SGCZ: variants seen among roughly 807,000 people sequenced by gnomAD.
SGCZ encodes the protein zeta-sarcoglycan.
In SGCZ, 40 loss-of-function variants were observed where a neutral mutation model predicts 41.3. The observed-to-expected ratio is 0.97, with a 90% CI of 0.75 to 1.26. The LOEUF (loss-of-function observed/expected upper bound fraction) is 1.26, where lower values mean the gene tolerates loss of function less well. Ranked by LOEUF, SGCZ falls within the 50% of genes most tolerant of loss-of-function variation. The probability of loss-of-function intolerance (pLI) is 0.00; values close to 1 mark genes in which losing one functional copy is unlikely to be tolerated. For synonymous variants in SGCZ, 206 were observed against 137.5 expected, an observed-to-expected ratio of 1.50 and a Z score of -3.49; for missense variants, 552 against 369.8, an observed-to-expected ratio of 1.49 and a Z score of -4.04.
rs1365591062 is a variant in SGCZ, at chr8:15,237,486, C to T, written c.39+99G>A. 3 of 1,421,130 alleles carry T rather than the reference C, an allele frequency of 2.1e-6. No individual in the cohort carries two copies. In the African/African-American group the frequency reaches 4.3e-5, roughly 20 times the overall value. The allele number at this position is 1,421,130 out of a possible 1,614,324, so 88.0% of individuals were successfully genotyped here. A position where few individuals can be genotyped will look rare whatever the true frequency, so the allele number is the denominator to read the frequency against. ...ACGCCCCCTCGTCGTCCCGCGGGAC[C>T]ACCAACTACTCCGCGCCGCTGGAGG... On this transcript the variant is annotated intron_variant, in intron 1 of 7. Transcript: ENST00000382080.
intron 2 of SGCZ, among the ~76,000 whole-genome samples, chr8:14,527,184 A>T (rs1802976890): frequency 6.6e-6 from 1 of 152,218 alleles, no homozygotes; most frequent in South Asian, 2.1e-4. Context: ...ACTAGAAAAG[A>T]AAGTATTAAT....
intron 2 of SGCZ, among the ~76,000 whole-genome samples, chr8:14,393,185 T>G (rs1185784643): frequency 6.6e-6 from 1 of 152,174 alleles, no homozygotes; most frequent in African/African-American, 2.4e-5. Context: ...ATATAAGAGT[T>G]AAGAAGAAAT....
intron 4 of SGCZ, among the ~76,000 whole-genome samples, chr8:14,168,710 C>G (rs1055204229): frequency 6.6e-6 from 1 of 152,102 alleles, no homozygotes; most frequent in Non-Finnish European, 1.5e-5. Flanking sequence ...CGGACTAATA[C>G]GCATTGTGAG....
chr8:14,924,001 A>G lies in SGCZ; in HGVS notation c.39+313584T>C, dbSNP rs561445975. 5.3e-5 allele frequency among the ~76,000 whole-genome samples: 8 copies of G among 152,210 alleles called. No individual in the cohort carries two copies. In the East Asian group the frequency reaches 1.5e-3, roughly 29 times the overall value. ...CTGGAAAATAAGGCTGTCATAAATT[A>G]CTCCCAGGACAGAGACAGAGGGTAA... On this transcript the variant is annotated intron_variant, in intron 1 of 7. Coordinates refer to ENST00000382080, the MANE Select transcript of SGCZ (RefSeq NM_139167.4).
At chr8:14,926,639 G>C (rs534072789) in intron 1 of SGCZ, among the ~76,000 whole-genome samples, 2 of 148,080 alleles carry the variant, frequency 1.4e-5, no homozygotes, top group African/African-American at 5.1e-5. Flanking sequence ...TTTTCCGTGT[G>C]TGTGGTTTTT....
At chr8:14,460,689 C>T (rs1046565622) in intron 2 of SGCZ, among the ~76,000 whole-genome samples, 1 of 152,078 alleles carries the variant, frequency 6.6e-6, no homozygotes, top group African/African-American at 2.4e-5. Context: ...TTTGTCCCTG[C>T]TTTGCCTTGT....
intron 4 of SGCZ, among the ~76,000 whole-genome samples, chr8:14,220,543 G>A (rs1485779837): frequency 2.0e-5 from 3 of 151,840 alleles, no homozygotes; most frequent in African/African-American, 7.3e-5. Context: ...TTTGAGATTT[G>A]TTTACTTTTC....
intron 1 of SGCZ, among the ~76,000 whole-genome samples, chr8:14,791,003 C>T (rs555628997): frequency 1.3e-5 from 2 of 150,612 alleles, no homozygotes; most frequent in African/African-American, 4.9e-5. Flanking sequence ...TGTCCTCAAG[C>T]CTGGGCAACA....
chr8:15,059,857 G>C (rs1321100205), intron 1 of SGCZ, among the ~76,000 whole-genome samples: 1 of 152,078 alleles, frequency 6.6e-6, no homozygotes, highest in Non-Finnish European at 1.5e-5. Context: ...TTCATCCTTT[G>C]TCTCAGTAAC....
intron 1 of SGCZ, among the ~76,000 whole-genome samples, chr8:14,915,481 A>AG (rs1799406035): frequency 6.6e-6 from 1 of 152,164 alleles, no homozygotes; most frequent in Non-Finnish European, 1.5e-5. Flanking sequence ...CTCAGCTTGC[A>AG]CGGGTGAATG....
intron 1 of SGCZ, among the ~76,000 whole-genome samples, chr8:15,077,362 A>G (rs1271654313): frequency 1.3e-5 from 2 of 152,208 alleles, no homozygotes; most frequent in Admixed American, 6.5e-5. Context: ...TATTGCAGTA[A>G]TTTGGAGTGC....
chr8:14,637,790 T>C (rs1036151094), intron 1 of SGCZ, among the ~76,000 whole-genome samples: 2 of 151,870 alleles, frequency 1.3e-5, no homozygotes, highest in African/African-American at 4.8e-5. Context: ...TATGCATGCA[T>C]GTATCTTTTT....
At chr8:14,801,725 T>C (rs756489907) in intron 1 of SGCZ, among the ~76,000 whole-genome samples, 1 of 152,148 alleles carries the variant, frequency 6.6e-6, no homozygotes, top group African/African-American at 2.4e-5. Context: ...ATCAAGATCA[T>C]GTGGTCAACA....
chr8:14,633,516 C>A (rs187936425), intron 1 of SGCZ, among the ~76,000 whole-genome samples: 1 of 151,512 alleles, frequency 6.6e-6, no homozygotes, highest in East Asian at 1.9e-4. Flanking sequence ...TATTAGCAAG[C>A]ATTCCTTTCT....
chr8:14,127,452 A>C (rs1299002816), intron 5 of SGCZ, among the ~76,000 whole-genome samples: 1 of 151,872 alleles, frequency 6.6e-6, no homozygotes, highest in Non-Finnish European at 1.5e-5. Flanking sequence ...ATTCATTTTT[A>C]TTTCTATTTA....
intron 1 of SGCZ, among the ~76,000 whole-genome samples, chr8:15,153,206 G>C (rs757897155): frequency 2.6e-5 from 4 of 151,996 alleles, no homozygotes; most frequent in Non-Finnish European, 5.9e-5. Context: ...AAGCCATCAG[G>C]GATTAATTCT....
chr8:14,862,068 T>A (rs2130681630), intron 1 of SGCZ, among the ~76,000 whole-genome samples: 1 of 152,272 alleles, frequency 6.6e-6, no homozygotes, highest in African/African-American at 2.4e-5. Context: ...GACAAAATTT[T>A]CTTTTAGCAA....
At chr8:14,634,180 T>A (rs993476680) in intron 1 of SGCZ, among the ~76,000 whole-genome samples, 13 of 151,922 alleles carry the variant, frequency 8.6e-5, no homozygotes, top group Admixed American at 5.9e-4. Context: ...ATTCTCCACT[T>A]CCAATTTTTA....
intron 2 of SGCZ, among the ~76,000 whole-genome samples, chr8:14,419,150 T>C (rs780115006): frequency 2.0e-5 from 3 of 151,798 alleles, no homozygotes; most frequent in Non-Finnish European, 4.4e-5. Flanking sequence ...ATTACCAAAC[T>C]CATAAAATAT....
Sources: gnomAD v4.1 joint callset for allele counts (sites outside exome capture counted in the v4.1 genomes callset) on GRCh38, gnomAD v4.1.1 for gene constraint, MANE v1.5 for transcripts, NCBI Gene and HGNC (gene_info 2026-07-23, HGNC 2026-07-21) for gene names.